The following ALOX5 variants were observed in gnomAD, a reference collection of about 807,000 sequenced individuals.
The protein encoded by ALOX5 is arachidonate 5-lipoxygenase, also known as polyunsaturated fatty acid 5-lipoxygenase.
In ALOX5, 64 loss-of-function variants were observed where a neutral mutation model predicts 87.9. The ratio of observed to expected loss-of-function variants is 0.73; its 90% CI spans 0.60 to 0.90. ALOX5 has a LOEUF of 0.90. ALOX5 is among the 40% of genes least tolerant of loss of function. The probability of loss-of-function intolerance (pLI) is 0.00; values close to 1 mark genes in which losing one functional copy is unlikely to be tolerated. For missense variants in ALOX5, 822 were observed against 907.5 expected (o/e 0.91, Z 1.21); for synonymous variants, 388 against 355.1 (o/e 1.09, Z -1.04).
chr10:45,419,907 C>T (rs904030111), intron 4 of ALOX5, among the ~76,000 whole-genome samples: 1 of 152,028 alleles, frequency 6.6e-6, no homozygotes, highest in African/African-American at 2.4e-5. Flanking sequence ...GGCTGGGGAT[C>T]GGGAGAAGTG....
At chr10:45,441,867 C>T (rs750887356) in intron 9 of ALOX5, among the ~76,000 whole-genome samples, 24 of 152,074 alleles carry the variant, frequency 1.6e-4, no homozygotes, top group Admixed American at 3.3e-4. Context: ...TCTCCTGCAT[C>T]GGGGACTCCA....
intron 7 of ALOX5, among the ~76,000 whole-genome samples, chr10:45,434,846 A>C (rs1006508388): frequency 6.6e-6 from 1 of 152,236 alleles, no homozygotes; most frequent in African/African-American, 2.4e-5. Flanking sequence ...GCAAAGACCT[A>C]TGAAAGGAGG....
At chr10:45,392,361 T>C (rs1042965444) in intron 2 of ALOX5, among the ~76,000 whole-genome samples, 4 of 151,946 alleles carry the variant, frequency 2.6e-5, no homozygotes, top group African/African-American at 9.7e-5. Context: ...TGTTCTGTAC[T>C]AAGAAAAATT....
intron 4 of ALOX5, among the ~76,000 whole-genome samples, chr10:45,414,228 A>G (rs1841181322): frequency 6.6e-6 from 1 of 152,258 alleles, no homozygotes; most frequent in Admixed American, 6.5e-5. Flanking sequence ...TGGCACTGGT[A>G]CCAAAACAGA....
chr10:45,397,882 G>C (rs549914899), intron 3 of ALOX5, among the ~76,000 whole-genome samples: 20 of 152,300 alleles, frequency 1.3e-4, no homozygotes, highest in African/African-American at 3.8e-4. Flanking sequence ...TCATGAATCA[G>C]AGGACTTAAT....
chr10:45,422,276 C>A (rs918287518), intron 4 of ALOX5, among the ~76,000 whole-genome samples: 15 of 152,178 alleles, frequency 9.9e-5, no homozygotes, highest in Admixed American at 4.6e-4. Context: ...CCAGGCTCTC[C>A]CCAGCCTCCA....
chr10:45,422,446 CA>C (rs1446145967), intron 4 of ALOX5, among the ~76,000 whole-genome samples: 1 of 152,186 alleles, frequency 6.6e-6, no homozygotes, highest in East Asian at 1.9e-4. Context: ...GCTGCCTCCT[CA>C]GGGGTGGGCA....
intron 11 of ALOX5, 80 bp from the exon 12 acceptor site, chr10:45,443,648 G>A (rs574023390): frequency 1.7e-5 from 27 of 1,591,516 alleles, no homozygotes; most frequent in Non-Finnish European, 2.0e-5. Context: ...CCTTGGGGCA[G>A]GGAATCCGGG....
intron 4 of ALOX5, among the ~76,000 whole-genome samples, chr10:45,415,550 C>G (rs935696759): frequency 5.3e-5 from 8 of 150,682 alleles, no homozygotes; most frequent in African/African-American, 2.0e-4. Flanking sequence ...GCACGTTGTG[C>G]ACATGTATCC....
intron 7 of ALOX5, among the ~76,000 whole-genome samples, chr10:45,435,368 C>T (rs974347981): frequency 6.6e-6 from 1 of 151,970 alleles, no homozygotes; most frequent in Non-Finnish European, 1.5e-5. Flanking sequence ...GAACCCATCA[C>T]TCAAATACTG....
intron 3 of ALOX5, among the ~76,000 whole-genome samples, chr10:45,411,732 A>G (rs1162702358): frequency 1.3e-5 from 2 of 152,216 alleles, no homozygotes; most frequent in Non-Finnish European, 2.9e-5. Context: ...CATTTCCCCA[A>G]ATGCCACATG....
At chr10:45,440,101 G>C (rs182990648) in intron 7 of ALOX5, among the ~76,000 whole-genome samples, 1 of 152,156 alleles carries the variant, frequency 6.6e-6, no homozygotes, top group East Asian at 1.9e-4. Context: ...CTCCCCCTCC[G>C]CTGCTGGGCC....
intron 7 of ALOX5, among the ~76,000 whole-genome samples, chr10:45,434,838 A>G (rs904302507): frequency 6.6e-6 from 1 of 152,244 alleles, no homozygotes; most frequent in Non-Finnish European, 1.5e-5. Flanking sequence ...GCACACATGC[A>G]AAGACCTATG....
intron 4 of ALOX5, among the ~76,000 whole-genome samples, chr10:45,417,510 G>T (rs906109430): frequency 6.6e-6 from 1 of 152,156 alleles, no homozygotes; most frequent in Non-Finnish European, 1.5e-5. Flanking sequence ...TCCTCTCCCA[G>T]CTCCACCATC....
At chr10:45,408,632 G>T (rs936873878) in intron 3 of ALOX5, among the ~76,000 whole-genome samples, 4 of 152,132 alleles carry the variant, frequency 2.6e-5, no homozygotes, top group Non-Finnish European at 5.9e-5. Flanking sequence ...GATCAGTTGT[G>T]CCTGAATTCC....
chr10:45,391,783 C>G (rs75408574), intron 2 of ALOX5, among the ~76,000 whole-genome samples: 24 of 150,724 alleles, frequency 1.6e-4, no homozygotes, highest in African/African-American at 5.6e-4. Flanking sequence ...TCTGCCCGGC[C>G]GCCCTGTCTG....
At chr10:45,394,915 C>T (rs1411069543) in intron 2 of ALOX5, among the ~76,000 whole-genome samples, 3 of 152,220 alleles carry the variant, frequency 2.0e-5, no homozygotes, top group African/African-American at 7.2e-5. Flanking sequence ...TATACCATCT[C>T]ACACCAGTTA....
intron 2 of ALOX5, among the ~76,000 whole-genome samples, chr10:45,385,409 C>T (rs1307589911): frequency 6.6e-6 from 1 of 152,240 alleles, no homozygotes; most frequent in East Asian, 1.9e-4. Context: ...AGCTCTTCTG[C>T]CGTCAGTCCA....
intron 4 of ALOX5, among the ~76,000 whole-genome samples, chr10:45,423,091 A>C (rs558929554): frequency 1.3e-5 from 2 of 152,340 alleles, no homozygotes; most frequent in African/African-American, 2.4e-5. Context: ...ACTGGGGGTC[A>C]GGGCTTCAAC....
Sources: gnomAD v4.1 joint callset for allele counts (sites outside exome capture counted in the v4.1 genomes callset) on GRCh38, gnomAD v4.1.1 for gene constraint, MANE v1.5 for transcripts, NCBI Gene and HGNC (gene_info 2026-07-23, HGNC 2026-07-21) for gene names.